NPSR1: variants seen among roughly 807,000 people sequenced by gnomAD.
The protein encoded by NPSR1 is neuropeptide S receptor 1.
Under a neutral mutation model 46.9 loss-of-function variants are expected in NPSR1, and 48 were observed. The observed-to-expected ratio is 1.02, with a 90% CI of 0.81 to 1.30. NPSR1 has a LOEUF of 1.30. Among genes scored for constraint, NPSR1 ranks in the 50% most tolerant of loss-of-function variants. The pLI is 0.00. For missense variants in NPSR1, 450 were observed against 449.5 expected, an observed-to-expected ratio of 1.00 and a Z score of -0.01; for synonymous variants, 176 against 168.1, an observed-to-expected ratio of 1.05 and a Z score of -0.36.
chr7:34,729,727 G>A (rs1649676034), intron 2 of NPSR1, among the ~76,000 whole-genome samples: 1 of 152,154 alleles, frequency 6.6e-6, no homozygotes, highest in South Asian at 2.1e-4. Flanking sequence ...AAAAACAAAA[G>A]ATTAAATATT....
Position 34,827,430 on chromosome 7 carries a change from G to T in NPSR1, c.508G>T (p.Ala170Ser), listed in dbSNP as rs766192701. 1.9e-6 allele frequency: 3 copies of T among 1,613,872 alleles called. No homozygotes were observed. The highest frequency in any genetic ancestry group is 1.7e-6 in the Non-Finnish European group (2 of 1,179,984). ...EKQARVLIVI[A>S]WSLSFLFSIP... is the part of the protein sequence containing the mutation. ...GCAAGCCAGGGTCCTCATTGTGATC[G>T]CCTGGAGCCTGTCTTTTCTGTTCTC... Residue 170 changes from alanine to serine, a missense_variant, in exon 5 of 9, where the codon GCC (alanine) becomes TCC (serine). Transcript: ENST00000360581.
intron 8 of NPSR1, among the ~76,000 whole-genome samples, chr7:34,856,853 A>T (rs918710304): frequency 4.0e-5 from 6 of 151,592 alleles, no homozygotes; most frequent in African/African-American, 1.5e-4. Flanking sequence ...GAGGGAGAGG[A>T]GAAACAATTG....
chr7:34,776,610 G>A (rs552214568), intron 2 of NPSR1, among the ~76,000 whole-genome samples: 2 of 152,196 alleles, frequency 1.3e-5, no homozygotes, highest in African/African-American at 4.8e-5. Flanking sequence ...TATTGGTGAA[G>A]TGTGTTTCTT....
chr7:34,698,901 G>C (rs1793677679), intron 2 of NPSR1, among the ~76,000 whole-genome samples: 1 of 152,012 alleles, frequency 6.6e-6, no homozygotes, highest in Admixed American at 6.6e-5. Context: ...ACGCCTCAGA[G>C]ACCATAACAG....
intron 2 of NPSR1, among the ~76,000 whole-genome samples, chr7:34,762,868 G>A (rs898191666): frequency 6.6e-6 from 1 of 152,090 alleles, no homozygotes; most frequent in East Asian, 1.9e-4. Flanking sequence ...GTTCATGTAC[G>A]AGTCATCTCA....
At chr7:34,844,834 C>T in intron 6 of NPSR1, 62 bp from the exon 7 acceptor site, 2 of 1,049,108 alleles carry the variant, frequency 1.9e-6, no homozygotes, top group Middle Eastern at 2.0e-4. Flanking sequence ...TTCCTATTGG[C>T]TGAAACAGAA....
chr7:34,773,026 C>A (rs955537151), intron 2 of NPSR1, among the ~76,000 whole-genome samples: 26 of 152,026 alleles, frequency 1.7e-4, no homozygotes, highest in Non-Finnish European at 3.2e-4. Flanking sequence ...CCTTTGGTGA[C>A]CAGGACCTCC....
At chr7:34,798,941 G>A (rs1788331088) in intron 3 of NPSR1, among the ~76,000 whole-genome samples, 1 of 152,064 alleles carries the variant, frequency 6.6e-6, no homozygotes, top group Admixed American at 6.6e-5. Context: ...ATAGTTTGTA[G>A]GATGCAGTAA....
At chr7:34,752,050 G>C (rs1785566448) in intron 2 of NPSR1, 3 of 681,284 alleles carry the variant, frequency 4.4e-6, no homozygotes, top group Non-Finnish European at 8.0e-6. Context: ...AACTTCGGAA[G>C]AGAGTTTTAT....
chr7:34,748,349 A>T (rs1183039048), intron 2 of NPSR1, among the ~76,000 whole-genome samples: 1 of 152,220 alleles, frequency 6.6e-6, no homozygotes, highest in Non-Finnish European at 1.5e-5. Context: ...AGGTCTCACC[A>T]TCACAGCCAC....
rs323921 is a variant in NPSR1, at chr7:34,708,135, G to C, written c.280+23451G>C. On this transcript the variant is annotated intron_variant, in intron 2 of 8. Coordinates refer to ENST00000360581, the MANE Select transcript of NPSR1 (RefSeq NM_207172.2). ...CACATTGTGAAGGACTGGAGGTTAG[G>C]ACTTTAACATATGAATTTAGGGGAG... Among the ~76,000 whole-genome samples the C allele has an allele frequency of 7.2e-3, 1,090 of 152,156 alleles. 13 individuals are homozygous for C. The highest frequency in any genetic ancestry group is 0.025 in the African/African-American group (1,020 of 41,502).
chr7:34,664,541 C>T (rs1378729376), intron 1 of NPSR1, among the ~76,000 whole-genome samples: 2 of 151,832 alleles, frequency 1.3e-5, no homozygotes, highest in African/African-American at 4.8e-5. Context: ...CAGGTGGAAG[C>T]ACTTCAGGAC....
intron 2 of NPSR1, among the ~76,000 whole-genome samples, chr7:34,701,016 T>C (rs898867429): frequency 2.0e-5 from 3 of 152,230 alleles, no homozygotes; most frequent in East Asian, 1.9e-4. Flanking sequence ...GCAAACCTCT[T>C]TCCTTGTTTT....
chr7:34,844,918 T>A lies in NPSR1; in HGVS notation c.780T>A (p.Tyr260Ter). 1 of 1,611,430 alleles carries A rather than the reference T, an allele frequency of 6.2e-7. No homozygotes were observed. The highest frequency in any genetic ancestry group is 8.5e-7 in the Non-Finnish European group (1 of 1,177,538). ...NCSDGKLCSS[Y>*]NRGLISKAKI... is the part of the protein sequence containing the mutation. Reference sequence around the variant, plus strand: ...CAGATGGGAAACTGTGCAGCAGCTATAACCGAGGACTCATCTCAAAGGCAA... The same window carrying A: ...CAGATGGGAAACTGTGCAGCAGCTAAAACCGAGGACTCATCTCAAAGGCAA... Residue 260 changes from tyrosine to a stop codon, truncating the protein, a stop_gained, in exon 7 of 9, where the codon TAT becomes TAA. Coordinates refer to ENST00000360581, the MANE Select transcript of NPSR1 (RefSeq NM_207172.2). LOFTEE classifies it high-confidence loss of function.
chr7:34,723,283 C>T (rs1045155495), intron 2 of NPSR1: 5 of 152,588 alleles, frequency 3.3e-5, no homozygotes, highest in Non-Finnish European at 5.9e-5. Flanking sequence ...CAATTACTTA[C>T]AATAGCAGAG....
chr7:34,782,161 G>A (rs1397620936), intron 3 of NPSR1, among the ~76,000 whole-genome samples: 1 of 152,120 alleles, frequency 6.6e-6, no homozygotes, highest in Non-Finnish European at 1.5e-5. Flanking sequence ...ACTATACCAT[G>A]CAGCAGAAGG....
intron 2 of NPSR1, among the ~76,000 whole-genome samples, chr7:34,739,369 A>C (rs1282283743): frequency 6.6e-6 from 1 of 152,206 alleles, no homozygotes; most frequent in Admixed American, 6.5e-5. Flanking sequence ...AATGTACAAG[A>C]GTTCTAACAT....
chr7:34,658,361 C>T lies in NPSR1; in HGVS notation c.-52C>T. 2 of 1,602,894 alleles carry T rather than the reference C, an allele frequency of 1.2e-6. No homozygotes were observed. The highest frequency in any genetic ancestry group is 1.1e-5 in the South Asian group (1 of 89,636). ...CAGCTCTCAGGAGGCAAGCTGGACT[C>T]CCTCACTCAGCTGCAGGAGCAAGGA... On this transcript the variant is annotated 5_prime_UTR_variant, in exon 1 of 9. Coordinates refer to ENST00000360581, the MANE Select transcript of NPSR1 (RefSeq NM_207172.2).
intron 8 of NPSR1, among the ~76,000 whole-genome samples, chr7:34,863,359 CA>C (rs1791234850): frequency 1.3e-5 from 2 of 151,784 alleles, no homozygotes; most frequent in South Asian, 4.1e-4. Flanking sequence ...GCAAAGGCAA[CA>C]AAAGCCAAAA....
Sources: gnomAD v4.1 joint callset for allele counts (sites outside exome capture counted in the v4.1 genomes callset) on GRCh38, gnomAD v4.1.1 for gene constraint, MANE v1.5 for transcripts, NCBI Gene and HGNC (gene_info 2026-07-23, HGNC 2026-07-21) for gene names.